The following TLN2 variants were observed in gnomAD, a reference collection of about 807,000 sequenced individuals.
TLN2 encodes the protein talin 2.
TLN2 carries 118 observed loss-of-function variants against 294.7 expected under a neutral mutation model. The observed-to-expected ratio is 0.40, with a 90% CI of 0.34 to 0.47. The LOEUF is 0.47. Among genes scored for constraint, TLN2 ranks in the 20% least tolerant of loss-of-function variants. The pLI, the probability that TLN2 is intolerant of heterozygous loss-of-function variation, is 0.84. For missense variants in TLN2, 3,083 were observed against 3,282.2 expected, an observed-to-expected ratio of 0.94 and a Z score of 1.48; for synonymous variants, 1,431 against 1,304.5, an observed-to-expected ratio of 1.10 and a Z score of -2.09.
At chr15:62,753,997 T>C in intron 36 of TLN2, 81 bp downstream of exon 36, 1 of 1,378,724 alleles carries the variant, frequency 7.3e-7, no homozygotes, top group Admixed American at 2.9e-5. Context: ...GAGAAATTAG[T>C]AAAGAATCTT....
intron 1 of TLN2, among the ~76,000 whole-genome samples, chr15:62,400,044 G>A (rs1566942934): frequency 1.3e-5 from 2 of 152,244 alleles, no homozygotes; most frequent in African/African-American, 4.8e-5. Context: ...CCCCACAGCA[G>A]TGGGAGGTTA....
At chr15:62,600,687 A>G (rs2046920334) in intron 2 of TLN2, among the ~76,000 whole-genome samples, 1 of 152,220 alleles carries the variant, frequency 6.6e-6, no homozygotes, top group Non-Finnish European at 1.5e-5. Context: ...ACATATTCAA[A>G]AGTGAAGAGA....
chr15:62,451,273 G>A (rs542685504), intron 1 of TLN2, among the ~76,000 whole-genome samples: 1 of 152,192 alleles, frequency 6.6e-6, no homozygotes, highest in Non-Finnish European at 1.5e-5. Context: ...TGTGTCTAGG[G>A]CGTGGTGTGA....
intron 1 of TLN2, among the ~76,000 whole-genome samples, chr15:62,494,622 C>G (rs1161534926): frequency 1.3e-5 from 2 of 152,030 alleles, no homozygotes; most frequent in East Asian, 3.9e-4. Flanking sequence ...CTCCCCCGTG[C>G]TTTAGTTGAA....
At chr15:62,734,873 GT>G (rs773819386) in intron 28 of TLN2, among the ~76,000 whole-genome samples, 18 of 152,178 alleles carry the variant, frequency 1.2e-4, no homozygotes, top group Non-Finnish European at 2.1e-4. Context: ...CTCACCCTCA[GT>G]GAGGAAAAGA....
chr15:62,768,941 G>A (rs960874935), intron 41 of TLN2, among the ~76,000 whole-genome samples: 1 of 152,182 alleles, frequency 6.6e-6, no homozygotes, highest in African/African-American at 2.4e-5. Flanking sequence ...TGGAGCAATT[G>A]GAACAATTAG....
rs2053115550 is a variant in TLN2, at chr15:62,655,580, T to TGGTAGTGCTTTAGCTATAAC, written c.518-364_518-363insGGTAGTGCTTTAGCTATAAC. Among the ~76,000 whole-genome samples, 2 of 11,716 alleles carry TGGTAGTGCTTTAGCTATAAC rather than the reference T, an allele frequency of 1.7e-4. 1 individual carries two copies. The allele number at this position is 11,716 out of a possible 152,430, so 7.7% of individuals were successfully genotyped here. The stretch of plus-strand genomic sequence containing the variant: ...GGAGAGGCAGCATATTATACATTCA[T>TGGTAGTGCTTTAGCTATAAC]TGTAGCACATGTCACCGTGGGTTGG... On this transcript the variant is annotated intron_variant, in intron 7 of 58. Transcript: ENST00000636159.
At chr15:62,399,944 G>A (rs747825741) in intron 1 of TLN2, among the ~76,000 whole-genome samples, 1 of 152,186 alleles carries the variant, frequency 6.6e-6, no homozygotes, top group Non-Finnish European at 1.5e-5. Context: ...TTTGAAATGT[G>A]AGGACATGAG....
chr15:62,459,982 T>C (rs952550418), intron 1 of TLN2, among the ~76,000 whole-genome samples: 3 of 152,188 alleles, frequency 2.0e-5, no homozygotes, highest in Non-Finnish European at 2.9e-5. Flanking sequence ...TGACCCACGA[T>C]TGTTACTCCC....
At chr15:62,623,694 C>T (rs2049027927) in intron 3 of TLN2, among the ~76,000 whole-genome samples, 1 of 152,194 alleles carries the variant, frequency 6.6e-6, no homozygotes, top group Admixed American at 6.5e-5. Flanking sequence ...TCCTTTGTTT[C>T]TTGGCAAGTT....
chr15:62,835,530 C>T (rs902215221), intron 55 of TLN2: 28 of 600,842 alleles, frequency 4.7e-5, no homozygotes, highest in South Asian at 1.2e-4. Flanking sequence ...CTCTTGGTGG[C>T]GAAACCTGCC....
At chr15:62,664,877 A>AAAAAAAAT (rs1232980836) in intron 9 of TLN2, among the ~76,000 whole-genome samples, 22 of 150,254 alleles carry the variant, frequency 1.5e-4, no homozygotes, top group Admixed American at 1.3e-3. Context: ...AAAAAAAAAA[A>AAAAAAAAT]AGTGGCTACC....
intron 1 of TLN2, among the ~76,000 whole-genome samples, chr15:62,576,724 C>G (rs1040980314): frequency 8.2e-6 from 1 of 121,226 alleles, no homozygotes; most frequent in Non-Finnish European, 1.6e-5. Context: ...GAAGACTTTG[C>G]TGTTTGAATA....
chr15:62,507,899 C>T (rs188368388), intron 1 of TLN2, among the ~76,000 whole-genome samples: 1 of 152,252 alleles, frequency 6.6e-6, no homozygotes, highest in East Asian at 1.9e-4. Context: ...AGATTCATAA[C>T]TGTATGTGAG....
At chr15:62,451,410 A>C (rs1490424025) in intron 1 of TLN2, among the ~76,000 whole-genome samples, 1 of 152,168 alleles carries the variant, frequency 6.6e-6, no homozygotes, top group African/African-American at 2.4e-5. Context: ...TAATCCCAGC[A>C]CTTTGGGAGG....
chr15:62,398,313 G>T (rs1042642738), intron 1 of TLN2, among the ~76,000 whole-genome samples: 2 of 152,154 alleles, frequency 1.3e-5, no homozygotes, highest in Non-Finnish European at 2.9e-5. Flanking sequence ...CACCATGTTT[G>T]TAAGTTTCCT....
chr15:62,719,558 G>A (rs1189385281), intron 24 of TLN2, among the ~76,000 whole-genome samples: 1 of 152,230 alleles, frequency 6.6e-6, no homozygotes, highest in Non-Finnish European at 1.5e-5. Context: ...CCACAGGGTA[G>A]AGTATGTGTA....
At chr15:62,688,928 G>A (rs1286076644) in intron 12 of TLN2, among the ~76,000 whole-genome samples, 1 of 151,980 alleles carries the variant, frequency 6.6e-6, no homozygotes, top group Non-Finnish European at 1.5e-5. Flanking sequence ...AGCATAATTA[G>A]TTGGGTTATA....
chr15:62,492,491 A>G (rs1342526981), intron 1 of TLN2, among the ~76,000 whole-genome samples: 1 of 149,002 alleles, frequency 6.7e-6, no homozygotes, highest in Non-Finnish European at 1.5e-5. Context: ...GGGAGGCAGA[A>G]GTTGCAGTGA....
Sources: gnomAD v4.1 joint callset for allele counts (sites outside exome capture counted in the v4.1 genomes callset) on GRCh38, gnomAD v4.1.1 for gene constraint, MANE v1.5 for transcripts, NCBI Gene and HGNC (gene_info 2026-07-23, HGNC 2026-07-21) for gene names.